PRKN: variants seen among roughly 807,000 people sequenced by gnomAD.
PRKN encodes parkin RBR E3 ubiquitin protein ligase, also known as E3 ubiquitin-protein ligase parkin.
A neutral mutation model predicts 59.5 loss-of-function variants in PRKN; 56 were observed. The observed-to-expected ratio is 0.94, with a 90% CI of 0.76 to 1.18. PRKN has a LOEUF of 1.18. PRKN is among the 50% of genes most tolerant of loss of function. PRKN has a pLI of 0.00. For synonymous variants in PRKN, 250 were observed against 222.1 expected (o/e 1.13, Z -1.12); for missense variants, 657 against 596.4 (o/e 1.10, Z -1.06).
intron 1 of PRKN, among the ~76,000 whole-genome samples, chr6:162,635,768 C>G (rs1480001934): frequency 6.6e-6 from 1 of 152,058 alleles, no homozygotes; most frequent in East Asian, 1.9e-4. Flanking sequence ...TCTGATGATT[C>G]CACCAATAAT....
chr6:162,719,621 A>G (rs1778856509), intron 1 of PRKN, among the ~76,000 whole-genome samples: 2 of 152,220 alleles, frequency 1.3e-5, no homozygotes, highest in Admixed American at 1.3e-4. Context: ...TTTCCATTGC[A>G]GACAATTCCC....
At chr6:161,674,430 C>G (rs57195745) in intron 7 of PRKN, among the ~76,000 whole-genome samples, 4 of 152,276 alleles carry the variant, frequency 2.6e-5, no homozygotes, top group African/African-American at 9.6e-5. Context: ...CAGTTGGTGG[C>G]TGTTCAAGGA....
At chr6:161,430,863 C>T (rs371435208) in intron 9 of PRKN, among the ~76,000 whole-genome samples, 6 of 139,026 alleles carry the variant, frequency 4.3e-5, no homozygotes, top group East Asian at 4.4e-4. Context: ...TGGCCAGGTG[C>T]GGTGGCTCAT....
chr6:162,701,860 TACA>T (rs1778166200), intron 1 of PRKN, among the ~76,000 whole-genome samples: 1 of 115,370 alleles, frequency 8.7e-6, no homozygotes, highest in South Asian at 3.1e-4. Context: ...CTCACATACA[TACA>T]TACACACACA....
At chr6:162,367,257 C>T (rs146196301) in intron 2 of PRKN, among the ~76,000 whole-genome samples, 49 of 152,278 alleles carry the variant, frequency 3.2e-4, no homozygotes, top group African/African-American at 9.4e-4. Flanking sequence ...TGAGGCCTCT[C>T]CAGCCATGCA....
intron 6 of PRKN, among the ~76,000 whole-genome samples, chr6:161,837,938 G>C (rs1792829901): frequency 6.6e-6 from 1 of 152,152 alleles, no homozygotes; most frequent in Admixed American, 6.5e-5. Flanking sequence ...CTGAGCTGCT[G>C]AATCATAGGA....
chr6:162,565,411 G>A (rs1009093526), intron 1 of PRKN, among the ~76,000 whole-genome samples: 4 of 152,068 alleles, frequency 2.6e-5, no homozygotes, highest in South Asian at 2.1e-4. Flanking sequence ...GGCCGGGAGC[G>A]GTGGCTCAAT....
chr6:162,622,817 G>C lies in PRKN; in HGVS notation c.7+104845C>G, dbSNP rs556696885. ...AGCGGAAAAGCAGGCAGGCAGGCTG[G>C]TGACACCCATGCCTGCCAAGACAGA... On this transcript the variant is annotated intron_variant, in intron 1 of 11. Transcript: ENST00000366898. Among the ~76,000 whole-genome samples the C allele has an allele frequency of 5.9e-5, 9 of 152,254 alleles. No homozygotes were observed. In the South Asian group the frequency reaches 1.7e-3, roughly 28 times the overall value.
chr6:162,153,033 T>C (rs1490729574), intron 4 of PRKN, among the ~76,000 whole-genome samples: 1 of 152,232 alleles, frequency 6.6e-6, no homozygotes, highest in African/African-American at 2.4e-5. Context: ...ACAGATATTT[T>C]AAATGCCTGA....
rs1583270747 is a variant in PRKN, at chr6:161,592,694, TC to T, written c.872-23279del. Among the ~76,000 whole-genome samples, 1 of 151,948 alleles carries T rather than the reference TC, an allele frequency of 6.6e-6. No homozygotes were observed. Among genetic ancestry groups the T allele is most frequent in the African/African-American group, 2.4e-5 (1 of 41,354 alleles). ...GGAGGGAGAGGGAGGATCTGGAACA[TC>T]AGCAAAGTCTTCACTAGGGAGGTCC... On this transcript the variant is annotated intron_variant, in intron 7 of 11. Coordinates refer to ENST00000366898, the MANE Select transcript of PRKN (RefSeq NM_004562.3). The surrounding 1 kb of genome is among the most constrained non-coding windows in gnomAD (Gnocchi z 4.8).
At chr6:161,665,907 C>T (rs555470099) in intron 7 of PRKN, among the ~76,000 whole-genome samples, 1 of 152,240 alleles carries the variant, frequency 6.6e-6, no homozygotes, top group East Asian at 1.9e-4. Flanking sequence ...TCTTTTCCAA[C>T]AGCCTGGATG....
At chr6:162,576,029 T>A (rs1163877916) in intron 1 of PRKN, among the ~76,000 whole-genome samples, 2 of 152,180 alleles carry the variant, frequency 1.3e-5, no homozygotes, top group Admixed American at 6.5e-5. Flanking sequence ...TATAATGAAG[T>A]TCAATCTCCC....
At chr6:161,976,006 A>C (rs980630816) in intron 5 of PRKN, among the ~76,000 whole-genome samples, 1 of 152,088 alleles carries the variant, frequency 6.6e-6, no homozygotes, top group Non-Finnish European at 1.5e-5. Flanking sequence ...CCCAGGTTCA[A>C]GTGATTCTCC....
At chr6:162,002,495 C>G (rs1373254506) in intron 5 of PRKN, among the ~76,000 whole-genome samples, 1 of 151,782 alleles carries the variant, frequency 6.6e-6, no homozygotes, top group African/African-American at 2.4e-5. Context: ...TTGTGATGTT[C>G]TTTTATTTCC....
At chr6:161,350,425 T>C (rs1784483655) in intron 11 of PRKN, among the ~76,000 whole-genome samples, 1 of 151,734 alleles carries the variant, frequency 6.6e-6, no homozygotes, top group South Asian at 2.1e-4. Flanking sequence ...ATGAATGAAA[T>C]TGAAGCATGT....
rs115987117 is a variant in PRKN, at chr6:162,375,366, G to T, written c.171+67944C>A. On this transcript the variant is annotated intron_variant, in intron 2 of 11. Transcript: ENST00000366898. ...AAAAAAGCCACTGGAGTAGGGGTGG[G>T]GAGCGGGTAAGAAGATCCATATCTG... Among the ~76,000 whole-genome samples, 435 of 151,482 alleles carry T rather than the reference G, an allele frequency of 2.9e-3. 1 individual carries two copies. Among genetic ancestry groups the T allele is most frequent in the African/African-American group, 9.9e-3 (408 of 41,390 alleles).
At chr6:162,164,718 C>G (rs928920576) in intron 4 of PRKN, among the ~76,000 whole-genome samples, 2 of 148,826 alleles carry the variant, frequency 1.3e-5, no homozygotes, top group Non-Finnish European at 3.0e-5. Flanking sequence ...ATATCAGAAG[C>G]CTATGTGCCA....
Position 161,363,237 on chromosome 6 carries a change from G to A in PRKN, c.1168-3032C>T, listed in dbSNP as rs1785051075. Among the ~76,000 whole-genome samples the A allele has an allele frequency of 2.0e-5, 3 of 152,014 alleles. No individual in the cohort carries two copies. In the South Asian group the frequency reaches 6.2e-4, roughly 32 times the overall value. On this transcript the variant is annotated intron_variant, in intron 10 of 11. Transcript: ENST00000366898. This position sits in a 1 kb window ranked among gnomAD's most constrained non-coding sequence, Gnocchi z 4.1. ...AGTCCCGGTGATGGAGTGGGACTCT[G>A]TCTCAAAAAAACTTAACTGAGTATA...
intron 6 of PRKN, among the ~76,000 whole-genome samples, chr6:161,806,415 T>A (rs1473294769): frequency 6.6e-6 from 1 of 152,178 alleles, no homozygotes; most frequent in African/African-American, 2.4e-5. Context: ...CAACTCATAC[T>A]GAACTCTGCA....
Sources: gnomAD v4.1 joint callset for allele counts (sites outside exome capture counted in the v4.1 genomes callset) on GRCh38, gnomAD v4.1.1 for gene constraint, Gnocchi (gnomAD v3.1) non-coding constraint, MANE v1.5 for transcripts, NCBI Gene and HGNC (gene_info 2026-07-23, HGNC 2026-07-21) for gene names.